Variants in ZNF596 observed in about 807,000 individuals in gnomAD.
ZNF596 encodes zinc finger protein 596.
ZNF596 carries 45 observed loss-of-function variants against 48.3 expected under a neutral mutation model. The observed-to-expected ratio is 0.93, with a 90% CI of 0.73 to 1.19. The LOEUF is 1.19. ZNF596 is among the 50% of genes most tolerant of loss of function. ZNF596 has a pLI of 0.00. For synonymous variants in ZNF596, 270 were observed against 202.0 expected (o/e 1.34, Z -2.85); for missense variants, 848 against 599.7 (o/e 1.41, Z -4.32).
intron 4 of ZNF596, 65 bp downstream of exon 4, chr8:243,870 C>G (rs1796955028): frequency 2.3e-6 from 3 of 1,321,426 alleles, no homozygotes; most frequent in Admixed American, 3.6e-5. Flanking sequence ...TGAGTAGGAC[C>G]CAACAGTTGC....
Position 247,287 on chromosome 8 carries a change from GA to G in ZNF596, c.*927del, listed in dbSNP as rs1563074309. ...AATTCTGAAATAACCTGGGAATATTGAATGCAGAATTATGTAAGAAGTAATA... is the reference window on the plus strand; with the variant it reads ...AATTCTGAAATAACCTGGGAATATTGATGCAGAATTATGTAAGAAGTAATA... On this transcript the variant is annotated 3_prime_UTR_variant, in exon 6 of 6. Coordinates refer to ENST00000398612, the MANE Select transcript of ZNF596 (RefSeq NM_001042416.3). 6.6e-6 allele frequency: 1 copy of G among 152,190 alleles called. No individual in the cohort carries two copies. The highest frequency in any genetic ancestry group is 1.5e-5 in the Non-Finnish European group (1 of 68,036). The allele number at this position is 152,190 out of a possible 1,614,324, so 9.4% of individuals were successfully genotyped here. A position where few individuals can be genotyped will look rare whatever the true frequency, so the allele number is the denominator to read the frequency against.
chr8:244,766 A>G, intron 5 of ZNF596, 65 bp downstream of exon 5: 1 of 1,371,038 alleles, frequency 7.3e-7, no homozygotes, highest in Non-Finnish European at 1.0e-6. Flanking sequence ...CAACTTTGGA[A>G]TTTGGTACAG....
intron 1 of ZNF596, among the ~76,000 whole-genome samples, chr8:239,381 G>T (rs913722386): frequency 3.3e-5 from 5 of 152,110 alleles, no homozygotes; most frequent in Admixed American, 1.3e-4. Context: ...TAGAAACGGG[G>T]TTTTGGGGTT....
Position 245,769 on chromosome 8 carries a change from G to C in ZNF596, c.922G>C (p.Gly308Arg), listed in dbSNP as rs759009667. ...AACTCACTTAGGAGATAAACCATAT[G>C]GATGTCTCCTATGTGGGAAGGCTTT... The part of the protein sequence containing the change: ...ERTHLGDKPY[G>R]CLLCGKAFSK... Residue 308 changes from glycine (G) to arginine (R), a missense_variant, in exon 6 of 6, where the codon GGA (glycine) becomes CGA (arginine). Gly to Arg is a moderately radical substitution (Grantham distance 125). Coordinates refer to ENST00000398612, the MANE Select transcript of ZNF596 (RefSeq NM_001042416.3). 1 of 1,614,062 alleles carries C rather than the reference G, an allele frequency of 6.2e-7. No individual in the cohort carries two copies. The highest frequency in any genetic ancestry group is 8.5e-7 in the Non-Finnish European group (1 of 1,180,002).
chr8:246,166 C>A lies in ZNF596; in HGVS notation c.1319C>A (p.Thr440Asn), dbSNP rs755706426. The A allele has an allele frequency of 2.4e-5, 39 of 1,613,900 alleles. No individual in the cohort carries two copies. The highest frequency in any genetic ancestry group is 3.1e-5 in the Non-Finnish European group (37 of 1,180,000). The change falls in exon 6 of 6, where the codon ACT becomes AAT. Residue 440 changes from threonine (T) to asparagine (N), a missense_variant. Coordinates refer to ENST00000398612, the MANE Select transcript of ZNF596 (RefSeq NM_001042416.3). ...HSSVLRRHERTHTGEKPYECN... is the reference protein window; with the variant it reads ...HSSVLRRHERNHTGEKPYECN... ...TCTGTCCTTAGACGACATGAGAGAA[C>A]TCACACTGGAGAGAAACCATATGAA...
Position 243,955 on chromosome 8 carries a change from T to G in ZNF596, c.223+150T>G, listed in dbSNP as rs571961974. The G allele has an allele frequency of 1.6e-3, 883 of 550,474 alleles. 15 individuals carry two copies. Among genetic ancestry groups the G allele is most frequent in the South Asian group, 0.013 (651 of 49,068 alleles). 34.1% of individuals were successfully genotyped at this position (550,474 alleles called of 1,614,324 possible). A position where few individuals can be genotyped will look rare whatever the true frequency, so the allele number is the denominator to read the frequency against. On this transcript the variant is annotated intron_variant, in intron 4 of 5. Coordinates refer to ENST00000398612, the MANE Select transcript of ZNF596 (RefSeq NM_001042416.3). Reference sequence around the variant, plus strand: ...CAGGCTGGAGTGCAGTGGCGTGATCTCGGCTCACTGCAACCTCTGCTTCCC... The same window carrying G: ...CAGGCTGGAGTGCAGTGGCGTGATCGCGGCTCACTGCAACCTCTGCTTCCC...
chr8:243,706 T>G lies in ZNF596; in HGVS notation c.140-16T>G, dbSNP rs1370134783. 6.2e-7 allele frequency: 1 copy of G among 1,609,532 alleles called. No homozygotes were observed. The highest frequency in any genetic ancestry group is 8.5e-7 in the Non-Finnish European group (1 of 1,176,928). ...GCACAGAACTCAAAATCCATGTATC[T>G]TTTTCCCCAAAACAGGCAAACAGCT... On this transcript the variant is annotated splice_polypyrimidine_tract_variant and intron_variant, in intron 3 of 5. Coordinates refer to ENST00000398612, the MANE Select transcript of ZNF596 (RefSeq NM_001042416.3).
At chr8:235,135 C>T (rs530049160) in intron 1 of ZNF596, among the ~76,000 whole-genome samples, 17 of 152,214 alleles carry the variant, frequency 1.1e-4, no homozygotes, top group African/African-American at 3.4e-4. Context: ...TTCATCCACA[C>T]GATGGAGTGT....
intron 1 of ZNF596, among the ~76,000 whole-genome samples, chr8:238,628 CAAAAAAAAA>C (rs1167168569): frequency 0.041 from 1,638 of 39,840 alleles, 24 homozygotes; most frequent in East Asian, 0.23. Context: ...TGGTGAAATA[CAAAAAAAAA>C]AAAAAAAAAA....
chr8:238,075 C>A (rs866759766), intron 1 of ZNF596, among the ~76,000 whole-genome samples: 1 of 152,198 alleles, frequency 6.6e-6, no homozygotes, highest in Non-Finnish European at 1.5e-5. Context: ...GATGGACATG[C>A]CTTTCAGTCT....
chr8:244,448 A>C, intron 4 of ZNF596, 171 bp from the exon 5 acceptor site: 1 of 589,630 alleles, frequency 1.7e-6, no homozygotes. Flanking sequence ...TATATGCTGA[A>C]AATGTCAGTA....
At chr8:236,439 C>G (rs532498495) in intron 1 of ZNF596, among the ~76,000 whole-genome samples, 1 of 152,264 alleles carries the variant, frequency 6.6e-6, no homozygotes, top group South Asian at 2.1e-4. Context: ...CCACCTCAGG[C>G]ATCATGTGCA....
chr8:246,048 A>G lies in ZNF596; in HGVS notation c.1201A>G (p.Thr401Ala), dbSNP rs748585147. The G allele has an allele frequency of 1.2e-6, 2 of 1,614,190 alleles. No individual in the cohort carries two copies. The highest frequency in any genetic ancestry group is 1.7e-6 in the Non-Finnish European group (2 of 1,180,022). Reference sequence around the variant, plus strand: ...GTGCCATGTATGTGGGAAAGCCTTCACTGAATCTTCTGACCTCAGACGACA... The same window carrying G: ...GTGCCATGTATGTGGGAAAGCCTTCGCTGAATCTTCTGACCTCAGACGACA... ...YECHVCGKAF[T>A]ESSDLRRHER... The change falls in exon 6 of 6, where the codon ACT (threonine) becomes GCT (alanine). Residue 401 changes from threonine to alanine, a missense_variant. Physicochemically the swap from Thr to Ala is moderately conservative, Grantham distance 58. Transcript: ENST00000398612.
intron 2 of ZNF596, 119 bp from the exon 3 acceptor site, chr8:242,768 C>G: frequency 1.1e-6 from 1 of 950,486 alleles, no homozygotes; most frequent in Non-Finnish European, 1.4e-6. Flanking sequence ...ACCCCAAACA[C>G]TGTTTTGAGT....
intron 1 of ZNF596, among the ~76,000 whole-genome samples, chr8:238,226 G>A (rs535436376): frequency 2.6e-5 from 4 of 152,226 alleles, no homozygotes; most frequent in African/African-American, 9.6e-5. Flanking sequence ...TTGTGTGGAG[G>A]TTTATGGTGG....
rs1439060694 is a variant in ZNF596, at chr8:232,579, T to C, written c.-188T>C. On this transcript the variant is annotated 5_prime_UTR_variant, in exon 1 of 6. Transcript: ENST00000398612. ...ACGCCCGGAAATGCTCCGAAGCCTG[T>C]CGCCCAGCTGCCAGATCTGCGTCTG... is the stretch of plus-strand genomic sequence containing the variant. 1.6e-5 allele frequency: 5 copies of C among 319,330 alleles called. No homozygotes were observed. The highest frequency in any genetic ancestry group is 3.2e-5 in the Non-Finnish European group (5 of 155,690). The allele number at this position is 319,330 out of a possible 1,614,324, so 19.8% of individuals were successfully genotyped here. A position where few individuals can be genotyped will look rare whatever the true frequency, so the allele number is the denominator to read the frequency against.
chr8:243,690 T>C (rs1223578887), intron 3 of ZNF596, 32 bp from the exon 4 acceptor site: 1 of 1,608,774 alleles, frequency 6.2e-7, no homozygotes, highest in Non-Finnish European at 8.5e-7. Context: ...AGCACAGAAC[T>C]CAAAATCCAT....
At chr8:243,615 C>T in intron 3 of ZNF596, 107 bp from the exon 4 acceptor site, 1 of 1,011,424 alleles carries the variant, frequency 9.9e-7, no homozygotes, top group Admixed American at 2.0e-5. Flanking sequence ...CCCAGGCTGA[C>T]CTTCAGTGGC....
intron 1 of ZNF596, chr8:237,416 G>C (rs1796662253): frequency 2.0e-5 from 3 of 152,136 alleles, no homozygotes; most frequent in Non-Finnish European, 4.4e-5. Context: ...GTTTATGAGT[G>C]TTTTTAAAGT....
Sources: gnomAD v4.1 joint callset for allele counts (sites outside exome capture counted in the v4.1 genomes callset) on GRCh38, gnomAD v4.1.1 for gene constraint, MANE v1.5 for transcripts, NCBI Gene and HGNC (gene_info 2026-07-23, HGNC 2026-07-21) for gene names.